The following EIF3G variants were observed in gnomAD, a reference collection of about 807,000 sequenced individuals.
EIF3G encodes the protein eukaryotic translation initiation factor 3 subunit G.
Under a neutral mutation model 41.7 loss-of-function variants are expected in EIF3G, and 10 were observed. The ratio of observed to expected loss-of-function variants is 0.24; its 90% CI spans 0.15 to 0.41. The LOEUF (loss-of-function observed/expected upper bound fraction) is 0.41. Among genes scored for constraint, EIF3G ranks in the 10% least tolerant of loss-of-function variants. The pLI, the probability that EIF3G is intolerant of heterozygous loss-of-function variation, is 1.00. For missense variants in EIF3G, 297 were observed against 444.0 expected (o/e 0.67, Z 2.98); for synonymous variants, 204 against 172.5 (o/e 1.18, Z -1.43).
rs768831057 is a variant in EIF3G at position 10,115,593 on chromosome 19, G to A, written c.841-8C>T. 6.2e-7 allele frequency: 1 copy of A among 1,612,056 alleles called. No individual in the cohort carries two copies. The highest frequency in any genetic ancestry group is 1.3e-5 in the African/African-American group (1 of 74,884). ...GCTGATGAAGGCAAAGCCCTGTGGA[G>A]GGGCGGGATGGGGTCGGGCACGAGC... On this transcript the variant is annotated splice_polypyrimidine_tract_variant and splice_region_variant and intron_variant, in intron 9 of 10. Coordinates refer to ENST00000253108, the MANE Select transcript of EIF3G (RefSeq NM_003755.5).
At position 10,116,206 on chromosome 19, in the gene EIF3G, G is replaced by A; in HGVS notation, c.596-132C>T. ...GTGCCAAACCACAGGCAGCCAGTTGGCCACGAGGACACCAAGGTGACACCT... is the reference window on the plus strand; with the variant it reads ...GTGCCAAACCACAGGCAGCCAGTTGACCACGAGGACACCAAGGTGACACCT... On this transcript the variant is annotated intron_variant, in intron 7 of 10. Transcript: ENST00000253108. This position sits in a 1 kb window ranked among gnomAD's most constrained non-coding sequence, Gnocchi z 4.1. 2.3e-6 allele frequency: 2 copies of A among 853,116 alleles called. No individual in the cohort carries two copies. The highest frequency in any genetic ancestry group is 1.7e-5 in the South Asian group (1 of 57,758). 52.8% of individuals were successfully genotyped at this position (853,116 alleles called of 1,614,324 possible). A position where few individuals can be genotyped will look rare whatever the true frequency, so the allele number is the denominator to read the frequency against.
Position 10,115,139 on chromosome 19 carries a change from G to A in EIF3G, c.948-10C>T. ...TTAGTTGGTGGACGGCCTGGGGTAG[G>A]GGAGGGTGGCAGGTATAAGACTTCT... On this transcript the variant is annotated splice_polypyrimidine_tract_variant and intron_variant, in intron 10 of 10. Transcript: ENST00000253108. 6.2e-7 allele frequency: 1 copy of A among 1,613,874 alleles called. No individual in the cohort carries two copies. Among genetic ancestry groups the A allele is most frequent in the Admixed American group, 1.7e-5 (1 of 59,992 alleles).
At position 10,116,584 on chromosome 19, in the gene EIF3G, G is replaced by T; in HGVS notation, c.595+216C>A. On this transcript the variant is annotated intron_variant, in intron 7 of 10. Coordinates refer to ENST00000253108, the MANE Select transcript of EIF3G (RefSeq NM_003755.5). This position sits in a 1 kb window ranked among gnomAD's most constrained non-coding sequence, Gnocchi z 4.1. ...ACAGCAGCTCATCAGGACAGTCACAGGGCCACCAGCAAAGTCACAGCTGCC... is the reference window on the plus strand; with the variant it reads ...ACAGCAGCTCATCAGGACAGTCACATGGCCACCAGCAAAGTCACAGCTGCC... 1 of 555,894 alleles carries T rather than the reference G, an allele frequency of 1.8e-6. No individual in the cohort carries two copies. The highest frequency in any genetic ancestry group is 2.6e-5 in the South Asian group (1 of 38,520). 34.4% of individuals were successfully genotyped at this position (555,894 alleles called of 1,614,324 possible).
rs997776477 is a variant in EIF3G at position 10,116,517 on chromosome 19, C to G, written c.595+283G>C. The G allele has an allele frequency of 2.0e-6, 1 of 512,282 alleles. No homozygotes were observed. Among genetic ancestry groups the G allele is most frequent in the Non-Finnish European group, 3.5e-6 (1 of 286,002 alleles). The allele number at this position is 512,282 out of a possible 1,614,324, so 31.7% of individuals were successfully genotyped here. On this transcript the variant is annotated intron_variant, in intron 7 of 10. Transcript: ENST00000253108. The surrounding 1 kb of genome is among the most constrained non-coding windows in gnomAD (Gnocchi z 4.1). The stretch of plus-strand genomic sequence containing the variant: ...CAACGGAGACACTATACACACAGTG[C>G]GCACACACGATGTGGGGTGGTCAGC...
chr19:10,118,987 G>A (rs1490670099), intron 3 of EIF3G, 31 bp from the exon 4 acceptor site: 1 of 1,614,026 alleles, frequency 6.2e-7, no homozygotes, highest in East Asian at 2.2e-5. Context: ...GAGAAAGACT[G>A]AGCCCTGGGT....
chr19:10,115,638 A>G (rs1402452462), intron 9 of EIF3G, 46 bp downstream of exon 9: 2 of 1,611,344 alleles, frequency 1.2e-6, no homozygotes, highest in African/African-American at 1.3e-5. Context: ...CGACCCTAGG[A>G]CAAGTGACCC....
chr19:10,115,253 G>T, intron 10 of EIF3G, 124 bp from the exon 11 acceptor site: 3 of 1,313,442 alleles, frequency 2.3e-6, no homozygotes, highest in Non-Finnish European at 3.1e-6. Context: ...AGCGGGCACG[G>T]AGCCAGATGG....
Position 10,115,959 on chromosome 19 carries a change from C to G in EIF3G, c.703+8G>C. On this transcript the variant is annotated splice_region_variant and intron_variant, in intron 8 of 10. Transcript: ENST00000253108. ...CACCCACCAGCCTGGCGTCGGGGTG[C>G]CCCTCACCTCTGCGGTTGGGCTGCA... The G allele has an allele frequency of 6.2e-7, 1 of 1,612,532 alleles. No individual in the cohort carries two copies. The highest frequency in any genetic ancestry group is 8.5e-7 in the Non-Finnish European group (1 of 1,179,268).
chr19:10,115,621 G>A lies in EIF3G; in HGVS notation c.841-36C>T, dbSNP rs371684948. 54 of 1,612,174 alleles carry A rather than the reference G, an allele frequency of 3.3e-5. No homozygotes were observed. The African/African-American group carries it at 6.9e-4, about 21-fold the overall frequency. On this transcript the variant is annotated intron_variant, in intron 9 of 10. Coordinates refer to ENST00000253108, the MANE Select transcript of EIF3G (RefSeq NM_003755.5). ...GCGGGATGGGGTCGGGCACGAGCTAGGACAGGCGACCCTAGGACAAGTGAC... is the reference window on the plus strand; with the variant it reads ...GCGGGATGGGGTCGGGCACGAGCTAAGACAGGCGACCCTAGGACAAGTGAC...
intron 4 of EIF3G, 70 bp from the exon 5 acceptor site, chr19:10,118,797 C>A: frequency 6.2e-7 from 1 of 1,606,374 alleles, no homozygotes; most frequent in Non-Finnish European, 8.5e-7. Context: ...CTCCTCAACA[C>A]ACCCCACCCC....
At position 10,117,109 on chromosome 19, in the gene EIF3G, G is replaced by C. The variant is rs2145228605; in HGVS notation, c.380C>G (p.Ser127Cys). Residue 127 changes from serine (S) to cysteine (C), a missense_variant, in exon 6 of 11, where the codon TCT becomes TGT. Physicochemically the swap from Ser to Cys is moderately radical, Grantham distance 112. Coordinates refer to ENST00000253108, the MANE Select transcript of EIF3G (RefSeq NM_003755.5). ...CTCTTTGCTGGTGATGAACGTCATAGAGACATCGTCACTGACAGTGGTGGT... is the reference window on the plus strand; with the variant it reads ...CTCTTTGCTGGTGATGAACGTCATACAGACATCGTCACTGACAGTGGTGGT... ...VATTTVSDDV[S>C]MTFITSKEDL... The C allele has an allele frequency of 6.2e-7, 1 of 1,613,762 alleles. No homozygotes were observed. The highest frequency in any genetic ancestry group is 8.5e-7 in the Non-Finnish European group (1 of 1,179,854).
chr19:10,116,975 C>G lies in EIF3G; in HGVS notation c.420G>C (p.Gln140His), dbSNP rs148192612. The change falls in exon 7 of 11, where the codon CAG becomes CAC. Residue 140 changes from glutamine to histidine, a missense_variant. Gln to His is a conservative substitution (Grantham distance 24, BLOSUM62 0). Around this residue, in one of 4 missense-constraint regions of EIF3G, gnomAD observed 26 missense variants for 80.8 expected, o/e 0.32. Transcript: ENST00000253108. This position sits in a 1 kb window ranked among gnomAD's most constrained non-coding sequence, Gnocchi z 4.1. Reference protein sequence around the residue: ...FITSKEDLNCQEEEDPMNKLK... With the variant: ...FITSKEDLNCHEEEDPMNKLK... ...GTTTGTTCATAGGGTCCTCCTCCTCCTGGCAGTTCAGGTCCTGGCAGGGGC... is the reference window on the plus strand; with the variant it reads ...GTTTGTTCATAGGGTCCTCCTCCTCGTGGCAGTTCAGGTCCTGGCAGGGGC... 5 of 1,611,008 alleles carry G rather than the reference C, an allele frequency of 3.1e-6. No homozygotes were observed. The highest frequency in any genetic ancestry group is 4.2e-6 in the Non-Finnish European group (5 of 1,178,064).
chr19:10,115,150 A>G, intron 10 of EIF3G, 21 bp from the exon 11 acceptor site: 2 of 1,613,510 alleles, frequency 1.2e-6, no homozygotes, highest in Non-Finnish European at 1.7e-6. Flanking sequence ...GGAGGGTGGC[A>G]GGTATAAGAC....
In EIF3G at chr19:10,116,370, C is replaced by G; in HGVS notation, c.596-296G>C. 1 of 540,500 alleles carries G rather than the reference C, an allele frequency of 1.9e-6. No homozygotes were observed. The highest frequency in any genetic ancestry group is 3.3e-6 in the Non-Finnish European group (1 of 301,200). 33.5% of individuals were successfully genotyped at this position (540,500 alleles called of 1,614,324 possible). A position where few individuals can be genotyped will look rare whatever the true frequency, so the allele number is the denominator to read the frequency against. On this transcript the variant is annotated intron_variant, in intron 7 of 10. Transcript: ENST00000253108. This position sits in a 1 kb window ranked among gnomAD's most constrained non-coding sequence, Gnocchi z 4.1. ...ATGCACAGCAACGGCAGACATGGGA[C>G]ACACAACAGGAACAGCGCCCAGGTC...
chr19:10,116,723 T>C lies in EIF3G; in HGVS notation c.595+77A>G. 1.4e-6 allele frequency: 2 copies of C among 1,421,828 alleles called. No homozygotes were observed. The highest frequency in any genetic ancestry group is 2.7e-5 in the South Asian group (2 of 74,644). The allele number at this position is 1,421,828 out of a possible 1,614,324, so 88.1% of individuals were successfully genotyped here. ...CACCATCAAACCCGCTGCACTGTCG[T>C]GCGGGAGATGACAGCACGAAGGCAG... On this transcript the variant is annotated intron_variant, in intron 7 of 10. Coordinates refer to ENST00000253108, the MANE Select transcript of EIF3G (RefSeq NM_003755.5). The surrounding 1 kb of genome is among the most constrained non-coding windows in gnomAD (Gnocchi z 4.1).
intron 10 of EIF3G, 64 bp downstream of exon 10, chr19:10,115,415 A>G: frequency 1.3e-6 from 2 of 1,531,960 alleles, no homozygotes; most frequent in Non-Finnish European, 1.8e-6. Context: ...TGGTTGGCCC[A>G]ACACTCCGTG....
intron 1 of EIF3G, 27 bp downstream of exon 1, chr19:10,119,813 T>C: frequency 6.2e-7 from 1 of 1,614,180 alleles, no homozygotes; most frequent in Non-Finnish European, 8.5e-7. Flanking sequence ...CCGCTTCCCG[T>C]GCCCCTTTCC....
At chr19:10,119,597 G>A in intron 2 of EIF3G, 57 bp downstream of exon 2, 1 of 1,540,746 alleles carries the variant, frequency 6.5e-7, no homozygotes, top group Non-Finnish European at 8.8e-7. Flanking sequence ...GGAAGCAGGC[G>A]GCAGTCACAC....
chr19:10,116,306 C>G lies in EIF3G; in HGVS notation c.596-232G>C, dbSNP rs2089248718. The G allele has an allele frequency of 2.9e-5, 17 of 585,556 alleles. 1 individual carries two copies. The South Asian group carries it at 3.4e-4, about 12-fold the overall frequency. The allele number at this position is 585,556 out of a possible 1,614,324, so 36.3% of individuals were successfully genotyped here. A position where few individuals can be genotyped will look rare whatever the true frequency, so the allele number is the denominator to read the frequency against. On this transcript the variant is annotated intron_variant, in intron 7 of 10. Coordinates refer to ENST00000253108, the MANE Select transcript of EIF3G (RefSeq NM_003755.5). The surrounding 1 kb of genome is among the most constrained non-coding windows in gnomAD (Gnocchi z 4.1). The stretch of plus-strand genomic sequence containing the variant: ...GAGGAGGAGGAGCCCCGACCCCACC[C>G]CAGAGAGGGCGGGAGGACAACAGGG...
Sources: gnomAD v4.1 joint callset for allele counts on GRCh38, gnomAD v4.1.1 for gene constraint, gnomAD v4.1.1 regional missense constraint, Gnocchi (gnomAD v3.1) non-coding constraint, MANE v1.5 for transcripts, NCBI Gene and HGNC (gene_info 2026-07-23, HGNC 2026-07-21) for gene names.